The following ERGIC3 variants were observed in gnomAD, a reference collection of about 807,000 sequenced individuals.
ERGIC3 encodes endoplasmic reticulum-Golgi intermediate compartment protein 3.
A neutral mutation model predicts 54.7 loss-of-function variants in ERGIC3; 33 were observed. The ratio of observed to expected loss-of-function variants is 0.60; its 90% CI spans 0.46 to 0.81. ERGIC3 has a LOEUF of 0.81. ERGIC3 is among the 30% of genes least tolerant of loss of function. ERGIC3 has a pLI of 0.00. For missense variants in ERGIC3, 399 were observed against 488.4 expected, an observed-to-expected ratio of 0.82 and a Z score of 1.73; for synonymous variants, 186 against 189.8, an observed-to-expected ratio of 0.98 and a Z score of 0.16.
At chr20:35,553,336 G>A (rs1336540677) in intron 7 of ERGIC3, among the ~76,000 whole-genome samples, 4 of 151,910 alleles carry the variant, frequency 2.6e-5, no homozygotes, top group African/African-American at 9.7e-5. Flanking sequence ...TGGCAGTAAG[G>A]AGCAAGAAAG....
intron 4 of ERGIC3, chr20:35,543,236 A>G (rs2064627748): frequency 1.3e-5 from 5 of 374,740 alleles, no homozygotes; most frequent in South Asian, 2.2e-5. Flanking sequence ...TTGCCTTGGT[A>G]GAACTGTCTA....
chr20:35,556,294 A>AGAG (rs1568873417), intron 10 of ERGIC3, 23 bp downstream of exon 10: 2 of 1,613,426 alleles, frequency 1.2e-6, no homozygotes, highest in East Asian at 2.2e-5. Context: ...GCTCCCTACC[A>AGAG]GAGTCTCCTG....
chr20:35,554,635 G>A (rs6060461), intron 7 of ERGIC3, among the ~76,000 whole-genome samples: 73 of 152,338 alleles, frequency 4.8e-4, no homozygotes, highest in African/African-American at 1.6e-3. Context: ...CTTCTGGGGA[G>A]CTTTGAGGGT....
chr20:35,557,613 CTA>C lies in ERGIC3; in HGVS notation c.*111_*112del. ...CAGCCCCAGCCCCAGGTTGATAAAT[CTA>C]TTGATTGATTGTGATAGTACTCACT... On this transcript the variant is annotated 3_prime_UTR_variant, in exon 13 of 13. Transcript: ENST00000348547. 4 of 902,096 alleles carry C rather than the reference CTA, an allele frequency of 4.4e-6. No homozygotes were observed. In the South Asian group the frequency reaches 5.8e-5, roughly 13 times the overall value. The allele number at this position is 902,096 out of a possible 1,614,324, so 55.9% of individuals were successfully genotyped here.
chr20:35,545,951 A>C (rs910415320), intron 4 of ERGIC3, among the ~76,000 whole-genome samples: 3 of 152,210 alleles, frequency 2.0e-5, no homozygotes, highest in Non-Finnish European at 4.4e-5. Context: ...GGTAGAGGAT[A>C]GGTCTACGGC....
At chr20:35,547,128 A>C (rs2064652869) in intron 4 of ERGIC3, 3 of 299,120 alleles carry the variant, frequency 1.0e-5, no homozygotes, top group African/African-American at 6.5e-5. Context: ...CGCCACCCTC[A>C]AAGAGTCATT....
chr20:35,556,181 T>C (rs750545222), intron 9 of ERGIC3, 26 bp from the exon 10 acceptor site: 109 of 1,613,972 alleles, frequency 6.8e-5, no homozygotes, highest in Non-Finnish European at 8.6e-5. Context: ...CGGGCACCCA[T>C]ACCCAGTGCT....
At chr20:35,545,279 C>T (rs116678101) in intron 4 of ERGIC3, 25,165 of 151,932 alleles carry the variant, frequency 0.17, 2,266 homozygotes, top group Middle Eastern at 0.29. Context: ...AACCTTTGGC[C>T]AGGCATGGTG....
chr20:35,549,961 A>G (rs1291608029), intron 7 of ERGIC3, among the ~76,000 whole-genome samples: 1 of 151,952 alleles, frequency 6.6e-6, no homozygotes, highest in East Asian at 1.9e-4. Context: ...TCAACTTGCA[A>G]TGGGTTTATT....
In ERGIC3 at chr20:35,542,563, C is replaced by A. The variant is rs990987927; in HGVS notation, c.210C>A (p.Ile70=). 4.3e-6 allele frequency: 7 copies of A among 1,613,892 alleles called. No individual in the cohort carries two copies. The highest frequency in any genetic ancestry group is 5.9e-6 in the Non-Finnish European group (7 of 1,180,028). Residue 70 remains isoleucine, a synonymous_variant, in exon 3 of 13, where the codon ATC becomes ATA. Coordinates refer to ENST00000348547, the MANE Select transcript of ERGIC3 (RefSeq NM_015966.3). ...AGTCGCGGGGAGATAAACTGAAGAT[C>A]AACATCGATGTACTTTTTCCGCACA... The part of the protein sequence containing the change: ...VDKSRGDKLK[I]NIDVLFPHMP...
chr20:35,557,077 G>A lies in ERGIC3; in HGVS notation c.984G>A (p.Ser328=), dbSNP rs928108260. Residue 328 remains serine (S), a synonymous_variant, in exon 11 of 13, where the codon TCG becomes TCA. Coordinates refer to ENST00000348547, the MANE Select transcript of ERGIC3 (RefSeq NM_015966.3). The part of the protein sequence containing the change: ...LPGVFVLYEL[S]PMMVKLTEKH... ...GAGTCTTCGTCCTCTATGAGCTCTC[G>A]CCCATGATGGTGAAGCTGACGGAGA... is the stretch of plus-strand genomic sequence containing the variant. The A allele has an allele frequency of 4.3e-6, 7 of 1,614,100 alleles. No homozygotes were observed. The highest frequency in any genetic ancestry group is 4.0e-5 in the African/African-American group (3 of 74,938).
intron 4 of ERGIC3, chr20:35,543,159 A>C (rs2064627413): frequency 5.7e-6 from 3 of 523,106 alleles, no homozygotes; most frequent in Non-Finnish European, 1.0e-5. Flanking sequence ...TATTATTCTC[A>C]GAGGTCCTCA....
intron 7 of ERGIC3, chr20:35,549,120 G>T (rs1264625324): frequency 1.9e-6 from 1 of 529,680 alleles, no homozygotes; most frequent in Non-Finnish European, 3.5e-6. Context: ...TTTGACTCCT[G>T]TTTTCTACTT....
At chr20:35,549,236 C>T (rs765571897) in intron 7 of ERGIC3, 17 of 473,528 alleles carry the variant, frequency 3.6e-5, no homozygotes, top group African/African-American at 4.0e-5. Flanking sequence ...GGTAGCCCCC[C>T]GTGTCCGATG....
intron 7 of ERGIC3, 55 bp from the exon 8 acceptor site, chr20:35,554,989 C>T (rs2064703216): frequency 6.3e-7 from 1 of 1,597,106 alleles, no homozygotes; most frequent in Admixed American, 1.7e-5. Context: ...AGGAGGAGGC[C>T]AGTGCTGCTC....
In ERGIC3 at chr20:35,548,786, T is replaced by TGA. The variant is rs774786739; in HGVS notation, c.628-15_628-14dup. Reference sequence around the variant, plus strand: ...GCAAAAGGAGGACACAGCCAGTGAATGAGAGAGAATGTTCCTTACAGGTGG... The same window carrying TGA: ...GCAAAAGGAGGACACAGCCAGTGAATGAGAGAGAGAATGTTCCTTACAGGTGG... On this transcript the variant is annotated intron_variant, in intron 6 of 12. Coordinates refer to ENST00000348547, the MANE Select transcript of ERGIC3 (RefSeq NM_015966.3). 25 of 1,613,550 alleles carry TGA rather than the reference T, an allele frequency of 1.5e-5. No homozygotes were observed. In the South Asian group the frequency reaches 2.7e-4, roughly 18 times the overall value.
At chr20:35,553,716 C>T (rs2064695449) in intron 7 of ERGIC3, among the ~76,000 whole-genome samples, 1 of 152,128 alleles carries the variant, frequency 6.6e-6, no homozygotes, top group Non-Finnish European at 1.5e-5. Context: ...ACCCCCTCTT[C>T]ACTCTGGAGG....
chr20:35,557,578 C>A lies in ERGIC3; in HGVS notation c.*74C>A. The A allele has an allele frequency of 7.8e-7, 1 of 1,288,040 alleles. No homozygotes were observed. Among genetic ancestry groups the A allele is most frequent in the Non-Finnish European group, 1.1e-6 (1 of 888,274 alleles). 79.8% of individuals were successfully genotyped at this position (1,288,040 alleles called of 1,614,324 possible). Reference sequence around the variant, plus strand: ...GTCCCCCAGCCTCTGCCACCCTCCACCTCCTCGGTCAGCCCCAGCCCCAGG... The same window carrying A: ...GTCCCCCAGCCTCTGCCACCCTCCAACTCCTCGGTCAGCCCCAGCCCCAGG... On this transcript the variant is annotated 3_prime_UTR_variant, in exon 13 of 13. Coordinates refer to ENST00000348547, the MANE Select transcript of ERGIC3 (RefSeq NM_015966.3).
intron 5 of ERGIC3, among the ~76,000 whole-genome samples, chr20:35,547,848 T>C (rs2064657625): frequency 6.6e-6 from 1 of 152,148 alleles, no homozygotes; most frequent in African/African-American, 2.4e-5. Flanking sequence ...TAACATCTTC[T>C]CGTAAGAGTC....
Sources: gnomAD v4.1 joint callset for allele counts (sites outside exome capture counted in the v4.1 genomes callset) on GRCh38, gnomAD v4.1.1 for gene constraint, MANE v1.5 for transcripts, NCBI Gene and HGNC (gene_info 2026-07-23, HGNC 2026-07-21) for gene names.